The following TASP1 variants were observed in gnomAD, a reference collection of about 807,000 sequenced individuals.
The protein encoded by TASP1 is threonine aspartase 1.
In TASP1, 16 loss-of-function variants were observed where a neutral mutation model predicts 56.6. The ratio of observed to expected loss-of-function variants is 0.28; its 90% confidence interval spans 0.19 to 0.43. The LOEUF (loss-of-function observed/expected upper bound fraction) is 0.43. Among genes scored for constraint, TASP1 ranks in the 20% least tolerant of loss-of-function variants. The pLI, the probability that TASP1 is intolerant of heterozygous loss-of-function variation, is 1.00. For missense variants in TASP1, 393 were observed against 511.6 expected, an observed-to-expected ratio of 0.77 and a Z score of 2.24; for synonymous variants, 179 against 184.2, an observed-to-expected ratio of 0.97 and a Z score of 0.23.
At chr20:13,216,355 A>T in the TASP1 span, among the ~76,000 whole-genome samples, 1 of 152,228 alleles carries the variant, frequency 6.6e-6, no homozygotes, top group African/African-American at 2.4e-5. Context: ...CTTCATATAC[A>T]GCCTCTAAAA....
the TASP1 span, among the ~76,000 whole-genome samples, chr20:13,265,137 C>A: frequency 1.3e-5 from 2 of 152,172 alleles, no homozygotes; most frequent in Admixed American, 1.3e-4. Flanking sequence ...AGCTCTGAAA[C>A]CCTTTGGATC....
chr20:13,271,979 A>G, the TASP1 span, among the ~76,000 whole-genome samples: 1 of 152,052 alleles, frequency 6.6e-6, no homozygotes, highest in African/African-American at 2.4e-5. Context: ...GGGTTTTGCC[A>G]TATCGCTCAG....
intron 11 of TASP1, among the ~76,000 whole-genome samples, chr20:13,473,800 T>C (rs1464932872): frequency 6.6e-6 from 1 of 152,160 alleles, no homozygotes; most frequent in Non-Finnish European, 1.5e-5. Context: ...GGGCCAGGCA[T>C]GGTGGCTCAC....
intron 4 of TASP1, among the ~76,000 whole-genome samples, chr20:13,599,446 A>G (rs1028743411): frequency 6.6e-6 from 1 of 152,196 alleles, no homozygotes; most frequent in Non-Finnish European, 1.5e-5. Context: ...CAAACACCGC[A>G]TGTTCTCACT....
At chr20:13,443,016 G>A (rs2043278240) in intron 11 of TASP1, among the ~76,000 whole-genome samples, 1 of 152,178 alleles carries the variant, frequency 6.6e-6, no homozygotes, top group Admixed American at 6.6e-5. Flanking sequence ...GAAGGCTGTT[G>A]TGAGGACTGA....
the TASP1 span, among the ~76,000 whole-genome samples, chr20:13,359,929 C>T: frequency 6.6e-6 from 1 of 152,020 alleles, no homozygotes; most frequent in African/African-American, 2.4e-5. Flanking sequence ...ACCTAATCAC[C>T]CTTACCCCAC....
chr20:13,222,737 C>T, the TASP1 span, among the ~76,000 whole-genome samples: 272 of 152,298 alleles, frequency 1.8e-3, 1 homozygote, highest in African/African-American at 6.3e-3. Flanking sequence ...AATAGAATTG[C>T]CCAGCTAGGC....
At chr20:13,355,094 C>T in the TASP1 span, among the ~76,000 whole-genome samples, 5 of 152,088 alleles carry the variant, frequency 3.3e-5, no homozygotes, top group South Asian at 2.1e-4. Context: ...AGGCATATGG[C>T]GGTATTATGG....
chr20:13,420,197 A>G (rs977399810), intron 12 of TASP1, among the ~76,000 whole-genome samples: 1 of 152,170 alleles, frequency 6.6e-6, no homozygotes, highest in Non-Finnish European at 1.5e-5. Flanking sequence ...TTTTTTAAAT[A>G]TCATTTTAAT....
At chr20:13,353,157 G>A in the TASP1 span, among the ~76,000 whole-genome samples, 1 of 151,334 alleles carries the variant, frequency 6.6e-6, no homozygotes, top group African/African-American at 2.4e-5. Context: ...GATCTCTTGA[G>A]CCCATGAGCT....
At chr20:13,187,224 A>T in the TASP1 span, among the ~76,000 whole-genome samples, 34 of 152,276 alleles carry the variant, frequency 2.2e-4, no homozygotes, top group African/African-American at 7.9e-4. Flanking sequence ...AAGAACATAG[A>T]AGTACTTAAG....
the TASP1 span, among the ~76,000 whole-genome samples, chr20:13,217,538 T>C: frequency 3.3e-5 from 5 of 152,188 alleles, no homozygotes; most frequent in African/African-American, 1.2e-4. Context: ...TCCAGTCAAA[T>C]AAGCCTGCCT....
chr20:13,583,809 C>A (rs570041448), intron 5 of TASP1, among the ~76,000 whole-genome samples: 3 of 152,278 alleles, frequency 2.0e-5, no homozygotes, highest in Non-Finnish European at 4.4e-5. Flanking sequence ...GGGCTGGATG[C>A]GGTGGCTCAC....
chr20:13,128,942 T>C, the TASP1 span, among the ~76,000 whole-genome samples: 1 of 150,298 alleles, frequency 6.7e-6, no homozygotes, highest in Non-Finnish European at 1.5e-5. Flanking sequence ...AATGGTGCGA[T>C]CTCAGCTCAC....
At chr20:13,552,994 A>G (rs1483498958) in intron 8 of TASP1, among the ~76,000 whole-genome samples, 2 of 152,082 alleles carry the variant, frequency 1.3e-5, no homozygotes, top group Non-Finnish European at 2.9e-5. Context: ...GGAGTGCAGT[A>G]GCATGATTAT....
the TASP1 span, among the ~76,000 whole-genome samples, chr20:13,162,539 G>T: frequency 6.6e-6 from 1 of 152,228 alleles, no homozygotes; most frequent in South Asian, 2.1e-4. Context: ...AGTACATTAA[G>T]GTAGCAATTG....
At chr20:13,521,755 C>T (rs2044768233) in intron 10 of TASP1, among the ~76,000 whole-genome samples, 1 of 151,674 alleles carries the variant, frequency 6.6e-6, no homozygotes, top group Admixed American at 6.6e-5. Flanking sequence ...ACGTTGTGCA[C>T]ATGTACCCTA....
intron 4 of TASP1, among the ~76,000 whole-genome samples, chr20:13,596,171 G>A (rs1352184122): frequency 6.6e-5 from 10 of 151,934 alleles, no homozygotes; most frequent in African/African-American, 1.7e-4. Flanking sequence ...TCGGGAGTTC[G>A]AGACCAGCCT....
the TASP1 span, among the ~76,000 whole-genome samples, chr20:13,305,895 G>A: frequency 6.6e-6 from 1 of 152,322 alleles, no homozygotes; most frequent in African/African-American, 2.4e-5. Context: ...CCAGTGCCTT[G>A]CCTGTAATGG....
Sources: gnomAD v4.1 joint callset for allele counts (sites outside exome capture counted in the v4.1 genomes callset) on GRCh38, gnomAD v4.1.1 for gene constraint, MANE v1.5 for transcripts, NCBI Gene and HGNC (gene_info 2026-07-23, HGNC 2026-07-21) for gene names.